LCN1: variants seen among roughly 807,000 people sequenced by gnomAD.
LCN1 encodes the protein lipocalin 1.
In LCN1, 25 loss-of-function variants were observed where a neutral mutation model predicts 22.3. The observed-to-expected ratio is 1.12, with a 90% CI of 0.82 to 1.56. The LOEUF is 1.56. LCN1 is among the 40% of genes most tolerant of loss of function. LCN1 has a pLI of 0.00. For synonymous variants in LCN1, 85 were observed against 97.6 expected (o/e 0.87, Z 0.76); for missense variants, 219 against 235.6 (o/e 0.93, Z 0.46).
chr9:135,525,273 C>A, intron 6 of LCN1, 115 bp downstream of exon 6: 1 of 1,035,596 alleles, frequency 9.7e-7, no homozygotes. Flanking sequence ...GTGGGAGATG[C>A]CCCACGTAGG....
intron 4 of LCN1, 49 bp downstream of exon 4, chr9:135,524,039 C>T (rs1481158024): frequency 7.1e-7 from 1 of 1,417,628 alleles, no homozygotes; most frequent in Non-Finnish European, 9.9e-7. Flanking sequence ...CCTGCCCTCC[C>T]TCCTCCCTCG....
In LCN1 at chr9:135,521,453, C is replaced by T; in HGVS notation, c.-45C>T. 1 of 1,551,440 alleles carries T rather than the reference C, an allele frequency of 6.4e-7. No individual in the cohort carries two copies. Among genetic ancestry groups the T allele is most frequent in the East Asian group, 2.2e-5 (1 of 44,500 alleles). On this transcript the variant is annotated 5_prime_UTR_variant, in exon 1 of 7. Transcript: ENST00000371781. ...GAGGACTGGTACAGCCTCTCCCAGC[C>T]CCAGCAAGCGACCTGTCAGGCGGCC...
chr9:135,525,208 C>A, intron 6 of LCN1, 50 bp downstream of exon 6: 1 of 1,584,034 alleles, frequency 6.3e-7, no homozygotes. Flanking sequence ...TTCTGGGGCT[C>A]AGTGGTGCTT....
At chr9:135,522,706 C>T (rs778257094) in intron 2 of LCN1, among the ~76,000 whole-genome samples, 11 of 152,244 alleles carry the variant, frequency 7.2e-5, no homozygotes, top group Non-Finnish European at 1.5e-4. Context: ...ACCCGCATGG[C>T]TCCCTCCTGA....
In LCN1 at chr9:135,523,928, A is replaced by ACT. The variant is rs772057424; in HGVS notation, c.342_343dup (p.Tyr115SerfsTer18). On this transcript the variant is annotated frameshift_variant, in exon 4 of 7. Transcript: ENST00000371781. LOFTEE classifies it high-confidence loss of function. ...ATCATCAGGTCGCACGTGAAGGACCACTACATCTTTTACTGTGAGGGCGAG... is the reference window on the plus strand; with the variant it reads ...ATCATCAGGTCGCACGTGAAGGACCACTCTACATCTTTTACTGTGAGGGCGAG... 3.7e-6 allele frequency: 6 copies of ACT among 1,614,114 alleles called. No individual in the cohort carries two copies. Among genetic ancestry groups the ACT allele is most frequent in the Middle Eastern group, 1.6e-4 (1 of 6,062 alleles).
intron 4 of LCN1, 28 bp from the exon 5 acceptor site, chr9:135,524,802 C>A: frequency 1.3e-6 from 2 of 1,560,112 alleles, no homozygotes; most frequent in Non-Finnish European, 1.7e-6. Context: ...CTGCCTCGAG[C>A]ACCCACATCT....
At position 135,521,478 on chromosome 9, in the gene LCN1, C is replaced by T. The variant is rs770691280; in HGVS notation, c.-20C>T. On this transcript the variant is annotated 5_prime_UTR_variant, in exon 1 of 7. Transcript: ENST00000371781. ...CCCAGCAAGCGACCTGTCAGGCGGCCGTGGACTCAGACTCCGGAGATGAAG... is the reference window on the plus strand; with the variant it reads ...CCCAGCAAGCGACCTGTCAGGCGGCTGTGGACTCAGACTCCGGAGATGAAG... The T allele has an allele frequency of 4.9e-5, 78 of 1,608,174 alleles. 1 individual carries two copies. The highest frequency in any genetic ancestry group is 2.2e-4 in the Middle Eastern group (1 of 4,546).
Position 135,526,386 on chromosome 9 carries a change from C to T in LCN1, c.*44C>T. 7.8e-7 allele frequency: 1 copy of T among 1,282,938 alleles called. No individual in the cohort carries two copies. Among genetic ancestry groups the T allele is most frequent in the South Asian group, 1.2e-5 (1 of 80,332 alleles). The allele number at this position is 1,282,938 out of a possible 1,614,324, so 79.5% of individuals were successfully genotyped here. ...CTCCTCAGCAGCCCAAGGACGGCAC[C>T]ATCCAGCACCTCCGTCATTCACAGG... On this transcript the variant is annotated 3_prime_UTR_variant, in exon 7 of 7. Transcript: ENST00000371781.
rs1319737064 is a variant in LCN1 at position 135,525,151 on chromosome 9, C to T, written c.525C>T (p.Ser175=). 4.3e-6 allele frequency: 7 copies of T among 1,613,382 alleles called. No individual in the cohort carries two copies. The African/African-American group carries it at 6.7e-5, about 15-fold the overall frequency. ...PRQSETCSPG[S]D is the part of the protein sequence containing the mutation. ...CTGCAGAAACCTGCTCTCCAGGGAG[C>T]GATTAGGGTGAGTGAACAGCTTTAG... Residue 175 remains serine, a synonymous_variant, in exon 6 of 7, where the codon AGC becomes AGT. Transcript: ENST00000371781.
chr9:135,521,878 C>T (rs1177369568), intron 1 of LCN1, among the ~76,000 whole-genome samples, 169 bp from the exon 2 acceptor site: 1 of 151,926 alleles, frequency 6.6e-6, no homozygotes, highest in Non-Finnish European at 1.5e-5. Context: ...CTGGAGCCAC[C>T]TTCAAGTGGG....
Position 135,523,868 on chromosome 9 carries a change from G to A in LCN1, c.293-12G>A. On this transcript the variant is annotated splice_polypyrimidine_tract_variant and intron_variant, in intron 3 of 6. Coordinates refer to ENST00000371781, the MANE Select transcript of LCN1 (RefSeq NM_002297.4). ...GTGGCTAATTCAGGAATGTGCTGCT[G>A]TCTTTCTGCAGACGGGGGCAAGCAC... The A allele has an allele frequency of 1.2e-6, 2 of 1,611,808 alleles. No individual in the cohort carries two copies. The highest frequency in any genetic ancestry group is 1.7e-6 in the Non-Finnish European group (2 of 1,177,954).
intron 4 of LCN1, among the ~76,000 whole-genome samples, 158 bp downstream of exon 4, chr9:135,524,148 C>A (rs1329173290): frequency 6.6e-6 from 1 of 152,174 alleles, no homozygotes; most frequent in Non-Finnish European, 1.5e-5. Context: ...CCTCAATTCC[C>A]ACCCCTGGAG....
chr9:135,521,871 G>A (rs1831503854), intron 1 of LCN1, among the ~76,000 whole-genome samples, 176 bp from the exon 2 acceptor site: 1 of 152,068 alleles, frequency 6.6e-6, no homozygotes, highest in South Asian at 2.1e-4. Flanking sequence ...GTGGGGGCTG[G>A]AGCCACCTTC....
chr9:135,522,700 G>T (rs976059235), intron 2 of LCN1, among the ~76,000 whole-genome samples: 4 of 151,926 alleles, frequency 2.6e-5, no homozygotes, highest in African/African-American at 7.3e-5. Context: ...GATTTCACCC[G>T]CATGGCTCCC....
At position 135,522,031 on chromosome 9, in the gene LCN1, G is replaced by A; in HGVS notation, c.91-16G>A. ...GAGCAGTCGGCCTGAGCCTGATAGA[G>A]AGGGGCCTTCTCCAGGTGTCAGGGA... On this transcript the variant is annotated splice_polypyrimidine_tract_variant and intron_variant, in intron 1 of 6. Transcript: ENST00000371781. The A allele has an allele frequency of 3.1e-6, 5 of 1,590,480 alleles. No individual in the cohort carries two copies. Among genetic ancestry groups the A allele is most frequent in the South Asian group, 2.3e-5 (2 of 87,428 alleles).
At chr9:135,523,526 T>A (rs1466696943) in intron 3 of LCN1, among the ~76,000 whole-genome samples, 3 of 152,228 alleles carry the variant, frequency 2.0e-5, no homozygotes, top group African/African-American at 7.2e-5. Context: ...GCGGACCCTC[T>A]GGGCTTGCCC....
At position 135,523,263 on chromosome 9, in the gene LCN1, G is replaced by A. The variant is rs751317734; in HGVS notation, c.253G>A (p.Val85Ile). The A allele has an allele frequency of 1.3e-5, 21 of 1,612,566 alleles. No homozygotes were observed. The highest frequency in any genetic ancestry group is 2.2e-5 in the East Asian group (1 of 44,878). The change falls in exon 3 of 7, where the codon GTC becomes ATC. Residue 85 changes from valine (V) to isoleucine (I), a missense_variant. Physicochemically the swap from Val to Ile is conservative, Grantham distance 29. Coordinates refer to ENST00000371781, the MANE Select transcript of LCN1 (RefSeq NM_002297.4). ...TGGCCGGTGCCAGGAGGTGAAGGCC[G>A]TCCTGGAGAAAACTGACGAGCCGGG... Reference protein sequence around the residue: ...ISGRCQEVKAVLEKTDEPGKY... With the variant: ...ISGRCQEVKAILEKTDEPGKY...
At chr9:135,522,565 G>T (rs190808813) in intron 2 of LCN1, among the ~76,000 whole-genome samples, 1 of 152,242 alleles carries the variant, frequency 6.6e-6, no homozygotes, top group South Asian at 2.1e-4. Flanking sequence ...ATGACCAAGA[G>T]GGGGCATAGG....
intron 3 of LCN1, 71 bp from the exon 4 acceptor site, chr9:135,523,809 G>T (rs1831559405): frequency 7.6e-7 from 1 of 1,314,102 alleles, no homozygotes; most frequent in Non-Finnish European, 1.1e-6. Flanking sequence ...GCCTGGCAAC[G>T]CACGCTGTCC....
Sources: allele counts gnomAD v4.1 joint callset (sites outside exome capture counted in the v4.1 genomes callset), GRCh38; gene constraint gnomAD v4.1.1; transcripts MANE v1.5; gene names NCBI Gene and HGNC (gene_info 2026-07-23, HGNC 2026-07-21).